The following DNAJC27 variants were observed in gnomAD, a reference collection of about 807,000 sequenced individuals.
DNAJC27 encodes dnaJ homolog subfamily C member 27.
DNAJC27 carries 25 observed loss-of-function variants against 31.4 expected under a neutral mutation model. The observed-to-expected ratio is 0.80, with a 90% CI of 0.58 to 1.11. The LOEUF (loss-of-function observed/expected upper bound fraction) is 1.11. Among genes scored for constraint, DNAJC27 ranks in the 50% most tolerant of loss-of-function variants. The probability of loss-of-function intolerance (pLI) is 0.00; values close to 1 mark genes in which losing one functional copy is unlikely to be tolerated. For missense variants in DNAJC27, 356 were observed against 347.3 expected (o/e 1.02, Z -0.20); for synonymous variants, 106 against 112.7 (o/e 0.94, Z 0.37).
intron 5 of DNAJC27, among the ~76,000 whole-genome samples, chr2:24,955,391 A>G (rs145901586): frequency 6.6e-6 from 1 of 152,266 alleles, no homozygotes; most frequent in Non-Finnish European, 1.5e-5. Context: ...AAGAAAAATA[A>G]ATATAGCCTC....
chr2:24,966,897 C>G (rs1392841058), intron 2 of DNAJC27, among the ~76,000 whole-genome samples: 1 of 152,158 alleles, frequency 6.6e-6, no homozygotes, highest in Non-Finnish European at 1.5e-5. Context: ...GCTGGAAGGA[C>G]CTGCTAATAT....
At chr2:24,950,793 G>A (rs1327121183) in intron 6 of DNAJC27, among the ~76,000 whole-genome samples, 1 of 151,986 alleles carries the variant, frequency 6.6e-6, no homozygotes, top group African/African-American at 2.4e-5. Context: ...GTTTCAGTGA[G>A]CTGAGATCAC....
rs773848039 is a variant in DNAJC27, at chr2:24,951,561, G to A, written c.529-7C>T. On this transcript the variant is annotated splice_polypyrimidine_tract_variant and splice_region_variant and intron_variant, in intron 5 of 6. Transcript: ENST00000264711. Reference sequence around the variant, plus strand: ...CTATGGATATATAAAAGGTCTACAAGAAGAAAACATAACCCAGGGTAGAAA... The same window carrying A: ...CTATGGATATATAAAAGGTCTACAAAAAGAAAACATAACCCAGGGTAGAAA... The A allele has an allele frequency of 2.2e-5, 35 of 1,604,556 alleles. No homozygotes were observed. The African/African-American group carries it at 4.3e-4, about 20-fold the overall frequency.
At chr2:24,958,296 AG>A (rs1202940248) in intron 3 of DNAJC27, among the ~76,000 whole-genome samples, 4 of 152,218 alleles carry the variant, frequency 2.6e-5, no homozygotes, top group South Asian at 2.1e-4. Flanking sequence ...AGTTCTTCTT[AG>A]GAAGAATTAG....
At chr2:24,960,357 C>G (rs1046069498) in intron 3 of DNAJC27, among the ~76,000 whole-genome samples, 1 of 152,228 alleles carries the variant, frequency 6.6e-6, no homozygotes, top group African/African-American at 2.4e-5. Flanking sequence ...TCTCCCACTC[C>G]TGGAGCCTTC....
rs759362910 is a variant in DNAJC27 at position 24,947,778 on chromosome 2, TAA to T, written c.690-32_690-31del. 11 of 1,600,926 alleles carry T rather than the reference TAA, an allele frequency of 6.9e-6. No individual in the cohort carries two copies. The African/African-American group carries it at 1.5e-4, about 21-fold the overall frequency. On this transcript the variant is annotated intron_variant, in intron 6 of 6. Coordinates refer to ENST00000264711, the MANE Select transcript of DNAJC27 (RefSeq NM_016544.3). ...GAAAAGAAGCCAAGATCTATGTTAG[TAA>T]CAGAGTCAGCCCAACCCACTGCATG... is the stretch of plus-strand genomic sequence containing the variant.
rs769879103 is a variant in DNAJC27, at chr2:24,957,141, C to G, written c.430G>C (p.Val144Leu). 173 of 1,606,884 alleles carry G rather than the reference C, an allele frequency of 1.1e-4. No homozygotes were observed. Among genetic ancestry groups the G allele is most frequent in the Non-Finnish European group, 1.5e-4 (171 of 1,177,962 alleles). ...NKIDCTKHRC[V>L]DESEGRLWAE... ...CAAAGACGTCCTTCACTTTCATCTA[C>G]ACAGCGATGTTTGGTACAATCAATC... Residue 144 changes from valine to leucine, a missense_variant, in exon 5 of 7, where the codon GTA becomes CTA. Val to Leu is a conservative substitution (Grantham distance 32, BLOSUM62 1). Coordinates refer to ENST00000264711, the MANE Select transcript of DNAJC27 (RefSeq NM_016544.3).
intron 6 of DNAJC27, among the ~76,000 whole-genome samples, chr2:24,950,646 A>G (rs1443728500): frequency 1.3e-5 from 2 of 152,200 alleles, no homozygotes; most frequent in Non-Finnish European, 2.9e-5. Flanking sequence ...CAGGAGTTCA[A>G]GACCAGCCTG....
intron 6 of DNAJC27, among the ~76,000 whole-genome samples, 200 bp downstream of exon 6, chr2:24,951,194 A>G (rs1412871181): frequency 1.3e-5 from 2 of 152,250 alleles, no homozygotes; most frequent in African/African-American, 4.8e-5. Flanking sequence ...TACACGACAC[A>G]GTTTTCTCAC....
intron 6 of DNAJC27, among the ~76,000 whole-genome samples, chr2:24,950,851 A>G (rs1022396043): frequency 1.4e-5 from 2 of 139,424 alleles, no homozygotes; most frequent in African/African-American, 2.8e-5. Flanking sequence ...CTGTCTCAAA[A>G]ATAAAAATAA....
Position 24,945,887 on chromosome 2 carries a change from G to A in DNAJC27, c.*1729C>T, listed in dbSNP as rs77331528. On this transcript the variant is annotated 3_prime_UTR_variant, in exon 7 of 7. Coordinates refer to ENST00000264711, the MANE Select transcript of DNAJC27 (RefSeq NM_016544.3). Reference sequence around the variant, plus strand: ...AGGCTGCAGTGGGCTTGGATTGGAAGAAAGTGGCTTTTCTTCTTAGGAGGT... The same window carrying A: ...AGGCTGCAGTGGGCTTGGATTGGAAAAAAGTGGCTTTTCTTCTTAGGAGGT... The A allele has an allele frequency of 6.6e-6, 1 of 152,212 alleles. No homozygotes were observed. Among genetic ancestry groups the A allele is most frequent in the Non-Finnish European group, 1.5e-5 (1 of 68,038 alleles). The allele number at this position is 152,212 out of a possible 1,614,324, so 9.4% of individuals were successfully genotyped here.
intron 6 of DNAJC27, 80 bp from the exon 7 acceptor site, chr2:24,947,828 T>C (rs1006780362): frequency 6.0e-6 from 9 of 1,500,694 alleles, no homozygotes; most frequent in African/African-American, 5.5e-5. Flanking sequence ...ACACACATAG[T>C]ATCTCTTACA....
At chr2:24,954,047 G>C (rs781373517) in intron 5 of DNAJC27, among the ~76,000 whole-genome samples, 3 of 152,122 alleles carry the variant, frequency 2.0e-5, no homozygotes, top group Non-Finnish European at 4.4e-5. Flanking sequence ...ACAGAGAGCT[G>C]GAGTCTGAGC....
chr2:24,950,319 CAT>C (rs985371780), intron 6 of DNAJC27, among the ~76,000 whole-genome samples: 1 of 152,086 alleles, frequency 6.6e-6, no homozygotes, highest in Non-Finnish European at 1.5e-5. Flanking sequence ...AATTTCAAGA[CAT>C]ACTTTTTTCT....
chr2:24,969,694 G>A (rs1318850499), intron 1 of DNAJC27, among the ~76,000 whole-genome samples: 1 of 152,118 alleles, frequency 6.6e-6, no homozygotes, highest in African/African-American at 2.4e-5. Context: ...GCCCAGGCTG[G>A]TCTCGAACTC....
Position 24,958,971 on chromosome 2 carries a change from C to T in DNAJC27, c.241-997G>A, listed in dbSNP as rs76308818. Reference sequence around the variant, plus strand: ...AGAAATGAAAACATGTTATACACATCGGGTAGGGTTTCTGGGCATAGGCAG... The same window carrying T: ...AGAAATGAAAACATGTTATACACATTGGGTAGGGTTTCTGGGCATAGGCAG... On this transcript the variant is annotated intron_variant, in intron 3 of 6. Transcript: ENST00000264711. Among the ~76,000 whole-genome samples, 1,481 of 152,272 alleles carry T rather than the reference C, an allele frequency of 9.7e-3. 19 individuals carry two copies. Among genetic ancestry groups the T allele is most frequent in the African/African-American group, 0.034 (1,425 of 41,544 alleles).
chr2:24,970,910 G>A (rs1479339138), intron 1 of DNAJC27, among the ~76,000 whole-genome samples: 2 of 152,196 alleles, frequency 1.3e-5, no homozygotes, highest in Admixed American at 6.5e-5. Context: ...AGCATCTCCT[G>A]GGTGCCAGGC....
chr2:24,963,637 G>C (rs1666106081), intron 2 of DNAJC27, among the ~76,000 whole-genome samples, 163 bp from the exon 3 acceptor site: 1 of 152,188 alleles, frequency 6.6e-6, no homozygotes, highest in South Asian at 2.1e-4. Context: ...TCAGCAACCT[G>C]ACAGATGATC....
chr2:24,958,648 G>A (rs1000511604), intron 3 of DNAJC27: 1 of 274,774 alleles, frequency 3.6e-6, no homozygotes. Flanking sequence ...TTATTATGAT[G>A]GTTAAATGAG....
Sources: gnomAD v4.1 joint callset for allele counts (sites outside exome capture counted in the v4.1 genomes callset) on GRCh38, gnomAD v4.1.1 for gene constraint, MANE v1.5 for transcripts, NCBI Gene and HGNC (gene_info 2026-07-23, HGNC 2026-07-21) for gene names.